The following WDR25 variants were observed in gnomAD, a reference collection of about 807,000 sequenced individuals.
WDR25 encodes the protein WD repeat domain 25, also known as WD repeat-containing protein 25.
WDR25 carries 35 observed loss-of-function variants against 47.7 expected under a neutral mutation model. That is an observed-to-expected ratio of 0.73 (90% CI 0.56 to 0.97). The LOEUF is 0.97. WDR25 is among the 50% of genes least tolerant of loss of function. WDR25 has a pLI of 0.00. For missense variants in WDR25, 634 were observed against 704.7 expected (o/e 0.90, Z 1.14); for synonymous variants, 248 against 278.9 (o/e 0.89, Z 1.10).
At chr14:100,519,332 G>A (rs1228813901) in intron 4 of WDR25, among the ~76,000 whole-genome samples, 3 of 151,234 alleles carry the variant, frequency 2.0e-5, no homozygotes, top group Non-Finnish European at 1.5e-5. Context: ...CATTAGATTT[G>A]TTCATTTTAA....
chr14:100,376,793 A>G (rs1293627556), intron 1 of WDR25: 1 of 1,193,214 alleles, frequency 8.4e-7, no homozygotes, highest in Non-Finnish European at 1.0e-6. Flanking sequence ...CAGACCCAGC[A>G]TAGGGCTTGA....
intron 2 of WDR25, among the ~76,000 whole-genome samples, chr14:100,436,434 C>A (rs1160658160): frequency 1.3e-5 from 2 of 152,142 alleles, no homozygotes; most frequent in African/African-American, 4.8e-5. Context: ...TATTTTGCAG[C>A]GGTATAATTT....
chr14:100,529,088 C>G lies in WDR25; in HGVS notation c.1293C>G (p.Ser431Arg), dbSNP rs1416997199. The change falls in exon 6 of 7, where the codon AGC becomes AGG. Residue 431 changes from serine (S) to arginine (R), a missense_variant. Transcript: ENST00000402312. This position sits in a 1 kb window ranked among gnomAD's most constrained non-coding sequence, Gnocchi z 5.1. ...CTCAGGAGAGGTTCACCTGCCCCAG[C>G]CTCGCCTTGCACCCGAGAGAGCCCG... Reference protein sequence around the residue: ...QIFHERFTCPSLALHPREPVF... With the variant: ...QIFHERFTCPRLALHPREPVF... 6.4e-7 allele frequency: 1 copy of G among 1,560,282 alleles called. No homozygotes were observed. Among genetic ancestry groups the G allele is most frequent in the East Asian group, 2.3e-5 (1 of 43,926 alleles).
chr14:100,448,644 G>A (rs945437138), intron 2 of WDR25, among the ~76,000 whole-genome samples: 2 of 152,112 alleles, frequency 1.3e-5, no homozygotes, highest in African/African-American at 4.8e-5. Context: ...CTGGCAATGT[G>A]GGCATGTGGC....
rs898443854 is a variant in WDR25 at position 100,452,736 on chromosome 14, T to G, written c.823-15285T>G. On this transcript the variant is annotated intron_variant, in intron 2 of 6. Transcript: ENST00000402312. Reference sequence around the variant, plus strand: ...ACTCGACTCTGATGCAGAGGTCCAGTCTGGCTGCTGTGTGGCAGTAGATTG... The same window carrying G: ...ACTCGACTCTGATGCAGAGGTCCAGGCTGGCTGCTGTGTGGCAGTAGATTG... 9.9e-5 allele frequency among the ~76,000 whole-genome samples: 15 copies of G among 152,194 alleles called. 1 individual carries two copies. Among genetic ancestry groups the G allele is most frequent in the Non-Finnish European group, 1.8e-4 (12 of 68,028 alleles).
At chr14:100,401,953 C>T (rs575471382) in intron 2 of WDR25, among the ~76,000 whole-genome samples, 20 of 152,332 alleles carry the variant, frequency 1.3e-4, no homozygotes, top group African/African-American at 4.8e-4. Context: ...GTACAACTGG[C>T]ATTAGCAGGT....
intron 2 of WDR25, among the ~76,000 whole-genome samples, chr14:100,416,828 T>C (rs913368337): frequency 1.3e-5 from 2 of 152,180 alleles, no homozygotes; most frequent in African/African-American, 2.4e-5. Flanking sequence ...GTAGGGTACT[T>C]TTCTGTAGCA....
At chr14:100,489,302 C>T (rs2140329121) in intron 4 of WDR25, among the ~76,000 whole-genome samples, 1 of 152,304 alleles carries the variant, frequency 6.6e-6, no homozygotes, top group African/African-American at 2.4e-5. Flanking sequence ...TGCTGTGGCT[C>T]TGTGCCCAGC....
At chr14:100,467,817 T>C (rs926286116) in intron 2 of WDR25, among the ~76,000 whole-genome samples, 1 of 152,092 alleles carries the variant, frequency 6.6e-6, no homozygotes, top group East Asian at 1.9e-4. Flanking sequence ...CAGAAAAAAT[T>C]TGGGGAAATG....
In WDR25 at chr14:100,438,615, A is replaced by G. The variant is rs116023455; in HGVS notation, c.823-29406A>G. 3.1e-3 allele frequency among the ~76,000 whole-genome samples: 479 copies of G among 152,314 alleles called. 4 individuals carry two copies. The highest frequency in any genetic ancestry group is 0.011 in the African/African-American group (448 of 41,568). The stretch of plus-strand genomic sequence containing the variant: ...GCTGAGCCAGAGGAGGTTTTGCCCC[A>G]TGCTCACGATCATTCAGCTGGCAAA... On this transcript the variant is annotated intron_variant, in intron 2 of 6. Coordinates refer to ENST00000402312, the MANE Select transcript of WDR25 (RefSeq NM_001161476.3).
chr14:100,526,149 A>G (rs2030121882), intron 5 of WDR25, 109 bp downstream of exon 5: 1 of 1,341,910 alleles, frequency 7.5e-7, no homozygotes, highest in African/African-American at 1.5e-5. Context: ...GGCTCACTGG[A>G]CTGAAATCTC....
chr14:100,481,103 C>CAAAAAAAA (rs71113268), intron 3 of WDR25: 61 of 248,186 alleles, frequency 2.5e-4, no homozygotes, highest in East Asian at 7.4e-4. Flanking sequence ...CAAAAAAGTG[C>CAAAAAAAA]AAAAAAAAAA....
intron 2 of WDR25, among the ~76,000 whole-genome samples, chr14:100,384,749 C>T (rs1463555108): frequency 6.6e-6 from 1 of 152,104 alleles, no homozygotes; most frequent in Non-Finnish European, 1.5e-5. Context: ...AGCAGTACAC[C>T]CTTCCCAGGG....
intron 2 of WDR25, among the ~76,000 whole-genome samples, chr14:100,423,865 G>A (rs1898094858): frequency 6.6e-6 from 1 of 152,188 alleles, no homozygotes; most frequent in Admixed American, 6.5e-5. Flanking sequence ...TCTACATCTT[G>A]AGGGGCTACT....
intron 3 of WDR25, 118 bp from the exon 4 acceptor site, chr14:100,483,876 T>G (rs1900289247): frequency 7.8e-7 from 1 of 1,281,490 alleles, no homozygotes; most frequent in South Asian, 1.6e-5. Context: ...TTGGGCTACA[T>G]CGGGCCCAGG....
At position 100,514,067 on chromosome 14, in the gene WDR25, C is replaced by T. The variant is rs554652034; in HGVS notation, c.1102-11803C>T. Among the ~76,000 whole-genome samples, 51 of 152,030 alleles carry T rather than the reference C, an allele frequency of 3.4e-4. No homozygotes were observed. In the East Asian group the frequency reaches 8.7e-3, roughly 26 times the overall value. On this transcript the variant is annotated intron_variant, in intron 4 of 6. Coordinates refer to ENST00000402312, the MANE Select transcript of WDR25 (RefSeq NM_001161476.3). ...TCTCCTGCCTCAGCCTCCCAAGTAG[C>T]TGGGACTACAGGCGCCCGCCACCAC...
intron 4 of WDR25, among the ~76,000 whole-genome samples, chr14:100,517,139 G>A (rs1365112163): frequency 8.1e-6 from 1 of 122,996 alleles, no homozygotes; most frequent in Non-Finnish European, 1.6e-5. Flanking sequence ...TTTTTGAGAC[G>A]GAGTCTCGCT....
intron 2 of WDR25, among the ~76,000 whole-genome samples, chr14:100,390,365 A>G: frequency 6.7e-6 from 1 of 149,928 alleles, no homozygotes; most frequent in East Asian, 2.0e-4. Context: ...GGGAGGGAGG[A>G]CCTAAAAAGC....
intron 4 of WDR25, among the ~76,000 whole-genome samples, chr14:100,485,325 A>G (rs1900347892): frequency 6.6e-6 from 1 of 151,910 alleles, no homozygotes; most frequent in Non-Finnish European, 1.5e-5. Flanking sequence ...TATGGATTTT[A>G]TGTGTTCATT....
Sources: allele counts gnomAD v4.1 joint callset (sites outside exome capture counted in the v4.1 genomes callset), GRCh38; gene constraint gnomAD v4.1.1; non-coding constraint Gnocchi (gnomAD v3.1); transcripts MANE v1.5; gene names NCBI Gene and HGNC (gene_info 2026-07-23, HGNC 2026-07-21).